Variants in HLCS observed in about 807,000 individuals in gnomAD.
HLCS encodes holocarboxylase synthetase, also known as biotin--protein ligase.
Under a neutral mutation model 75.0 loss-of-function variants are expected in HLCS, and 53 were observed. The ratio of observed to expected loss-of-function variants is 0.71; its 90% CI spans 0.57 to 0.89. The LOEUF is 0.89. HLCS is among the 40% of genes least tolerant of loss of function. HLCS has a pLI of 0.00. For missense variants in HLCS, 966 were observed against 1,074.0 expected, an observed-to-expected ratio of 0.90 and a Z score of 1.41; for synonymous variants, 431 against 428.6, an observed-to-expected ratio of 1.01 and a Z score of -0.07.
intron 6 of HLCS, among the ~76,000 whole-genome samples, chr21:36,794,324 A>G (rs1423042598): frequency 6.6e-6 from 1 of 152,252 alleles, no homozygotes; most frequent in African/African-American, 2.4e-5. Flanking sequence ...TAAGGGGTAC[A>G]AGGAAGGACA....
Position 36,939,108 on chromosome 21 carries a change from C to G in HLCS, c.331-114G>C, listed in dbSNP as rs193226929. ...GAGGCTCCTACCACTAAATTACAGT[C>G]ATTAATAACAAATTACTGGATATTA... On this transcript the variant is annotated intron_variant, in intron 2 of 10. Coordinates refer to ENST00000674895, the MANE Select transcript of HLCS (RefSeq NM_001352514.2). 7.8e-6 allele frequency: 7 copies of G among 901,946 alleles called. No homozygotes were observed. In the Admixed American group the frequency reaches 1.9e-4, roughly 24 times the overall value. 55.9% of individuals were successfully genotyped at this position (901,946 alleles called of 1,614,324 possible). A position where few individuals can be genotyped will look rare whatever the true frequency, so the allele number is the denominator to read the frequency against.
chr21:36,818,582 G>C (rs183613236), intron 6 of HLCS, among the ~76,000 whole-genome samples: 32 of 152,264 alleles, frequency 2.1e-4, no homozygotes, highest in Admixed American at 1.1e-3. Context: ...TTTTTCACAA[G>C]CGAGCTTAAA....
chr21:36,884,071 G>A (rs1030635055), intron 6 of HLCS, among the ~76,000 whole-genome samples: 9 of 152,204 alleles, frequency 5.9e-5, no homozygotes, highest in African/African-American at 1.4e-4. Flanking sequence ...AGTTCTGTGC[G>A]TGGATGCTTA....
chr21:36,943,218 T>C (rs538879446), intron 2 of HLCS: 2 of 152,220 alleles, frequency 1.3e-5, no homozygotes, highest in South Asian at 4.2e-4. Flanking sequence ...TACTCCCCAG[T>C]ATATACCTAA....
intron 5 of HLCS, among the ~76,000 whole-genome samples, chr21:36,928,639 C>T (rs1342290176): frequency 6.6e-6 from 1 of 152,094 alleles, no homozygotes; most frequent in South Asian, 2.1e-4. Flanking sequence ...ATTCCTTGGG[C>T]TCCCAAAGTA....
chr21:36,807,296 T>C (rs1479213644), intron 6 of HLCS, among the ~76,000 whole-genome samples: 2 of 151,402 alleles, frequency 1.3e-5, no homozygotes, highest in African/African-American at 4.9e-5. Context: ...AGCCCGATTC[T>C]CCCAAGGCGA....
At chr21:36,902,839 G>T (rs2065294970) in intron 5 of HLCS, among the ~76,000 whole-genome samples, 1 of 152,162 alleles carries the variant, frequency 6.6e-6, no homozygotes, top group African/African-American at 2.4e-5. Flanking sequence ...GCATGATTTT[G>T]TGTTTTTATC....
intron 6 of HLCS, among the ~76,000 whole-genome samples, chr21:36,772,638 C>CAAAAAA (rs34788426): frequency 9.9e-5 from 8 of 80,848 alleles, no homozygotes; most frequent in Non-Finnish European, 1.7e-4. Context: ...GACACTGTCT[C>CAAAAAA]AAAAAAAAAA....
At chr21:36,908,084 AG>A (rs1029787484) in intron 5 of HLCS, among the ~76,000 whole-genome samples, 12 of 151,786 alleles carry the variant, frequency 7.9e-5, no homozygotes, top group African/African-American at 2.4e-4. Context: ...AAAAAGAAAA[AG>A]AAAAAAAAAA....
chr21:36,787,964 C>G (rs1349850607), intron 6 of HLCS, among the ~76,000 whole-genome samples: 2 of 152,168 alleles, frequency 1.3e-5, no homozygotes, highest in African/African-American at 2.4e-5. Flanking sequence ...CAGCTTGGTT[C>G]TTATTTCCTT....
At chr21:36,867,352 A>G (rs2063594161) in intron 6 of HLCS, among the ~76,000 whole-genome samples, 1 of 152,258 alleles carries the variant, frequency 6.6e-6, no homozygotes, top group Non-Finnish European at 1.5e-5. Context: ...TGGCTACAAC[A>G]TAGCTAAACC....
At chr21:36,810,098 T>C (rs1018245272) in intron 6 of HLCS, among the ~76,000 whole-genome samples, 5 of 152,230 alleles carry the variant, frequency 3.3e-5, no homozygotes, top group African/African-American at 9.6e-5. Context: ...CCATATCTGC[T>C]TCCCCTTGGG....
At chr21:36,956,609 A>C (rs529836512) in intron 2 of HLCS, among the ~76,000 whole-genome samples, 2 of 152,260 alleles carry the variant, frequency 1.3e-5, no homozygotes, top group East Asian at 1.9e-4. Flanking sequence ...GGGCGCCTGT[A>C]GTCCCAGCTA....
rs770645632 is a variant in HLCS at position 36,936,883 on chromosome 21, C to T, written c.1003G>A (p.Asp335Asn). 24 of 1,614,034 alleles carry T rather than the reference C, an allele frequency of 1.5e-5. No homozygotes were observed. Among genetic ancestry groups the T allele is most frequent in the African/African-American group, 2.7e-5 (2 of 74,904 alleles). The stretch of plus-strand genomic sequence containing the variant: ...ATATAACTGTCAATGTCCACACAGT[C>T]GGCCAGCACAGACCGGACCTCGTGG... The part of the protein sequence containing the change: ...RFHEVRSVLA[D>N]CVDIDSYILY... The change falls in exon 4 of 11, where the codon GAC (aspartate) becomes AAC (asparagine). Residue 335 changes from aspartate (D) to asparagine (N), a missense_variant. Physicochemically the swap from Asp to Asn is conservative, Grantham distance 23. Coordinates refer to ENST00000674895, the MANE Select transcript of HLCS (RefSeq NM_001352514.2).
chr21:36,851,175 T>C (rs2062991358), intron 6 of HLCS, among the ~76,000 whole-genome samples: 2 of 152,210 alleles, frequency 1.3e-5, no homozygotes, highest in African/African-American at 2.4e-5. Flanking sequence ...ATCCCAATCC[T>C]AGGCATATAC....
At position 36,966,425 on chromosome 21, in the gene HLCS, G is replaced by GGGGGCCCC; in HGVS notation, c.195+18_195+19insGGGGCCCC. The GGGGGCCCC allele has an allele frequency of 2.0e-5, 4 of 195,440 alleles. No individual in the cohort carries two copies. The highest frequency in any genetic ancestry group is 3.4e-5 in the Non-Finnish European group (4 of 116,692). 12.1% of individuals were successfully genotyped at this position (195,440 alleles called of 1,614,324 possible). On this transcript the variant is annotated intron_variant, in intron 1 of 10. Transcript: ENST00000674895. The stretch of plus-strand genomic sequence containing the variant: ...CCGGCTCGCGGGGCCCGGGTCGCCC[G>GGGGGCCCC]CCCGCCCGACCCGCCCACCTGGCTG...
chr21:36,896,725 A>G, intron 6 of HLCS, 135 bp downstream of exon 6: 2 of 947,236 alleles, frequency 2.1e-6, no homozygotes, highest in Non-Finnish European at 3.3e-6. Context: ...CTAGGACAAG[A>G]GTACTTCCAC....
chr21:36,787,672 C>T (rs1023348210), intron 6 of HLCS, among the ~76,000 whole-genome samples: 3 of 152,178 alleles, frequency 2.0e-5, no homozygotes, highest in Non-Finnish European at 1.5e-5. Flanking sequence ...GCAGCCATTT[C>T]ACAACCAGGC....
At chr21:36,940,283 C>A (rs1337100407) in intron 2 of HLCS, among the ~76,000 whole-genome samples, 1 of 152,186 alleles carries the variant, frequency 6.6e-6, no homozygotes, top group Non-Finnish European at 1.5e-5. Context: ...TTCTCAGGGA[C>A]ACACTGCCCC....
Sources: allele counts gnomAD v4.1 joint callset (sites outside exome capture counted in the v4.1 genomes callset), GRCh38; gene constraint gnomAD v4.1.1; transcripts MANE v1.5; gene names NCBI Gene and HGNC (gene_info 2026-07-23, HGNC 2026-07-21).